EXOC3L2: variants seen among roughly 807,000 people sequenced by gnomAD.
EXOC3L2 encodes exocyst complex component 3 like 2.
In EXOC3L2, 17 loss-of-function variants were observed where a neutral mutation model predicts 44.4. The observed-to-expected ratio is 0.38, with a 90% CI of 0.26 to 0.57. The LOEUF is 0.57. Ranked by LOEUF, EXOC3L2 falls within the 20% of genes least tolerant of loss-of-function variation. The probability of loss-of-function intolerance (pLI) is 0.65; values close to 1 mark genes in which losing one functional copy is unlikely to be tolerated. For synonymous variants in EXOC3L2, 256 were observed against 253.7 expected, an observed-to-expected ratio of 1.01 and a Z score of -0.09; for missense variants, 541 against 588.4, an observed-to-expected ratio of 0.92 and a Z score of 0.83.
At chr19:45,213,765 C>T (rs1001873565) in intron 11 of EXOC3L2, among the ~76,000 whole-genome samples, 2 of 150,440 alleles carry the variant, frequency 1.3e-5, no homozygotes, top group African/African-American at 2.5e-5. Flanking sequence ...GCCAACATGG[C>T]GAAACCCTCT....
intron 11 of EXOC3L2, 26 bp downstream of exon 11, chr19:45,216,041 CGGCGAG>C: frequency 6.2e-7 from 1 of 1,610,054 alleles, no homozygotes; most frequent in African/African-American, 1.3e-5. Context: ...CGGCCAGGCA[CGGCGAG>C]CCCTGGCCCA....
intron 10 of EXOC3L2, chr19:45,216,958 G>A (rs1208041389): frequency 6.7e-6 from 1 of 149,678 alleles, no homozygotes; most frequent in African/African-American, 2.4e-5. Flanking sequence ...TAATTCCAGG[G>A]TTTAGAAATG....
chr19:45,212,921 G>C lies in EXOC3L2; in HGVS notation c.*148C>G. ...GGCGTTTGTTTCCCTTCTGTACAGG[G>C]AGTTTGGGGTTGGGTGAAAAGACAT... On this transcript the variant is annotated 3_prime_UTR_variant, in exon 12 of 12. Transcript: ENST00000413988. The C allele has an allele frequency of 1.1e-6, 1 of 888,000 alleles. No individual in the cohort carries two copies. The highest frequency in any genetic ancestry group is 1.6e-6 in the Non-Finnish European group (1 of 629,928). The allele number at this position is 888,000 out of a possible 1,614,324, so 55.0% of individuals were successfully genotyped here.
intron 2 of EXOC3L2, among the ~76,000 whole-genome samples, chr19:45,237,095 G>A (rs1970090808): frequency 6.6e-6 from 1 of 151,850 alleles, no homozygotes; most frequent in Non-Finnish European, 1.5e-5. Flanking sequence ...TTAAGAGTGA[G>A]ACCAAAAGAG....
At chr19:45,218,158 TCCCCCA>T in intron 9 of EXOC3L2, 33 bp downstream of exon 9, 8 of 1,034,838 alleles carry the variant, frequency 7.7e-6, no homozygotes, top group Non-Finnish European at 1.1e-5. Context: ...TCCCCTCTTT[TCCCCCA>T]CCCCCACCTC....
rs1040236161 is a variant in EXOC3L2, at chr19:45,212,460, G to C, written c.*609C>G. On this transcript the variant is annotated 3_prime_UTR_variant, in exon 12 of 12. Coordinates refer to ENST00000413988, the MANE Select transcript of EXOC3L2 (RefSeq NM_001382422.1). The stretch of plus-strand genomic sequence containing the variant: ...AGACCTTGAGGTGAGGGAAAGGGGC[G>C]GGGGAGCTGGGATATTTCTGTAGAG... Among the ~76,000 whole-genome samples, 1 of 152,102 alleles carries C rather than the reference G, an allele frequency of 6.6e-6. No individual in the cohort carries two copies. Among genetic ancestry groups the C allele is most frequent in the Non-Finnish European group, 1.5e-5 (1 of 68,024 alleles).
intron 11 of EXOC3L2, among the ~76,000 whole-genome samples, chr19:45,213,778 C>T (rs1969804536): frequency 6.6e-6 from 1 of 150,952 alleles, no homozygotes; most frequent in Non-Finnish European, 1.5e-5. Flanking sequence ...AACCCTCTCT[C>T]TACTAAAAAT....
chr19:45,216,472 A>G (rs1969836363), intron 10 of EXOC3L2, among the ~76,000 whole-genome samples: 2 of 152,080 alleles, frequency 1.3e-5, no homozygotes, highest in Admixed American at 1.3e-4. Flanking sequence ...CCAACTACTC[A>G]GGAGGCTGAA....
rs34958174 is a variant in EXOC3L2, at chr19:45,216,168, G to A, written c.2025C>T (p.Ala675=). The A allele has an allele frequency of 8.6e-3, 13,833 of 1,613,852 alleles. 1,011 individuals are homozygous for A. The African/African-American group carries it at 0.16, about 19-fold the overall frequency. The change falls in exon 11 of 12, where the codon GCC becomes GCT. Residue 675 remains alanine, a synonymous_variant. Transcript: ENST00000413988. ...RLESQASWLD[A]VVPHLAEVMQ... ...TGACTTCAGCCAAATGGGGCACCAC[G>A]GCATCCAGCCACGAGGCCTGGGACT...
chr19:45,242,861 CAAA>C (rs56175442), intron 1 of EXOC3L2, among the ~76,000 whole-genome samples: 4 of 85,586 alleles, frequency 4.7e-5, no homozygotes, highest in South Asian at 3.9e-4. Context: ...AACTCCATCT[CAAA>C]AAAAAAAAAA....
intron 11 of EXOC3L2, among the ~76,000 whole-genome samples, chr19:45,214,764 C>T (rs572594828): frequency 1.0e-3 from 154 of 152,110 alleles, no homozygotes; most frequent in African/African-American, 3.5e-3. Flanking sequence ...CATGCCCGGC[C>T]GATCTGGTGT....
intron 11 of EXOC3L2, among the ~76,000 whole-genome samples, chr19:45,215,543 C>A (rs1055128643): frequency 1.3e-5 from 2 of 152,078 alleles, no homozygotes; most frequent in African/African-American, 4.8e-5. Flanking sequence ...TGAGTGAGAA[C>A]TGGAATTGTT....
chr19:45,218,171 CCT>C, intron 9 of EXOC3L2, 24 bp downstream of exon 9: 1 of 1,340,322 alleles, frequency 7.5e-7, no homozygotes, highest in Non-Finnish European at 9.8e-7. Flanking sequence ...CCCACCCCCA[CCT>C]CCCCTCCCCT....
chr19:45,227,472 C>T (rs1238278278), intron 7 of EXOC3L2, among the ~76,000 whole-genome samples, 190 bp downstream of exon 7: 4 of 152,092 alleles, frequency 2.6e-5, no homozygotes, highest in Admixed American at 6.6e-5. Flanking sequence ...TTCTGTAATT[C>T]GAACACTCCA....
chr19:45,216,331 T>A, intron 10 of EXOC3L2, 137 bp from the exon 11 acceptor site: 2 of 1,269,838 alleles, frequency 1.6e-6, no homozygotes, highest in South Asian at 3.0e-5. Flanking sequence ...ATCCCAGCAC[T>A]TTGGGAGGAG....
chr19:45,239,806 C>T (rs752378834), intron 1 of EXOC3L2, among the ~76,000 whole-genome samples: 6 of 152,152 alleles, frequency 3.9e-5, no homozygotes, highest in Non-Finnish European at 8.8e-5. Context: ...AAGAGTGAGC[C>T]ACCTCTGCTG....
Position 45,227,514 on chromosome 19 carries a change from T to C in EXOC3L2, c.1583+148A>G, listed in dbSNP as rs1033228414. ...GGATGCTCTGTGGTGCTATGGCTGT[T>C]TCAAGGACTCCCAGATTTTATGCGT... On this transcript the variant is annotated intron_variant, in intron 7 of 11. Coordinates refer to ENST00000413988, the MANE Select transcript of EXOC3L2 (RefSeq NM_001382422.1). The C allele has an allele frequency of 1.6e-5, 10 of 636,402 alleles. 1 individual carries two copies. Among genetic ancestry groups the C allele is most frequent in the East Asian group, 5.5e-5 (2 of 36,518 alleles). 39.4% of individuals were successfully genotyped at this position (636,402 alleles called of 1,614,324 possible).
intron 4 of EXOC3L2, among the ~76,000 whole-genome samples, chr19:45,230,231 G>A (rs1003238174): frequency 6.6e-6 from 1 of 151,316 alleles, no homozygotes; most frequent in Non-Finnish European, 1.5e-5. Flanking sequence ...GTTTTGTTTT[G>A]TTTTTGAGAT....
At chr19:45,229,917 C>G (rs1367512520) in intron 4 of EXOC3L2, among the ~76,000 whole-genome samples, 1 of 148,138 alleles carries the variant, frequency 6.8e-6, no homozygotes, top group African/African-American at 2.5e-5. Context: ...TTATAATATA[C>G]ACATTTATAT....
Sources: allele counts gnomAD v4.1 joint callset (sites outside exome capture counted in the v4.1 genomes callset), GRCh38; gene constraint gnomAD v4.1.1; transcripts MANE v1.5; gene names NCBI Gene and HGNC (gene_info 2026-07-23, HGNC 2026-07-21).